Variants in TTLL3 observed in about 807,000 individuals in gnomAD.
TTLL3 encodes the protein tubulin monoglycylase TTLL3.
Under a neutral mutation model 75.2 loss-of-function variants are expected in TTLL3, and 63 were observed. The ratio of observed to expected loss-of-function variants is 0.84; its 90% CI spans 0.68 to 1.03. The LOEUF (loss-of-function observed/expected upper bound fraction) is 1.03, where lower values mean the gene tolerates loss of function less well. TTLL3 is among the 50% of genes least tolerant of loss of function. The pLI, the probability that TTLL3 is intolerant of heterozygous loss-of-function variation, is 0.00. For synonymous variants in TTLL3, 393 were observed against 418.5 expected (o/e 0.94, Z 0.74); for missense variants, 997 against 1,069.9 (o/e 0.93, Z 0.95).
In TTLL3 at chr3:9,817,680, G is replaced by A. The variant is rs199510910; in HGVS notation, c.480G>A (p.Trp160Ter). 4.2e-5 allele frequency: 68 copies of A among 1,614,058 alleles called. No homozygotes were observed. Among genetic ancestry groups the A allele is most frequent in the Non-Finnish European group, 5.5e-5 (65 of 1,180,054 alleles). ...GLCLNLRNLP[W>*]FDEVDANSFF... ...GTCTCAATCTCCGGAATTTGCCGTG[G>A]TTTGATGAGGTTGATGCCAACTCCT... Residue 160 changes from tryptophan to a stop codon, truncating the protein, a stop_gained, in exon 6 of 14, where the codon TGG becomes TGA. Transcript: ENST00000685419. LOFTEE classifies it high-confidence loss of function.
chr3:9,825,201 A>G lies in TTLL3; in HGVS notation c.855-599A>G, dbSNP rs1030349441. ...CCCATCTCTGCAAAAAATAAAAATT[A>G]GCTTGGGTGTGGTGGCGTATGCCTG... On this transcript the variant is annotated intron_variant, in intron 8 of 13. Coordinates refer to ENST00000685419, the MANE Select transcript of TTLL3 (RefSeq NM_001387446.1). Among the ~76,000 whole-genome samples the G allele has an allele frequency of 1.1e-4, 17 of 152,108 alleles. 1 individual carries two copies. Among genetic ancestry groups the G allele is most frequent in the African/African-American group, 3.9e-4 (16 of 41,448 alleles).
At chr3:9,815,044 C>G (rs551222101) in intron 4 of TTLL3, among the ~76,000 whole-genome samples, 17 of 151,868 alleles carry the variant, frequency 1.1e-4, no homozygotes, top group African/African-American at 3.6e-4. Flanking sequence ...TCGAGACCAG[C>G]CTGGGGAACA....
In TTLL3 at chr3:9,810,478, G is replaced by A; in HGVS notation, c.-42+84G>A. The A allele has an allele frequency of 6.9e-7, 1 of 1,446,606 alleles. No individual in the cohort carries two copies. Among genetic ancestry groups the A allele is most frequent in the South Asian group, 1.5e-5 (1 of 68,454 alleles). The allele number at this position is 1,446,606 out of a possible 1,614,324, so 89.6% of individuals were successfully genotyped here. On this transcript the variant is annotated intron_variant, in intron 1 of 13. Transcript: ENST00000685419. The surrounding 1 kb of genome is among the most constrained non-coding windows in gnomAD (Gnocchi z 4.4). ...CTGGGGTGGAGGGACTGGGGGTCGGGAGAAGAGCGGCTGAGGGTGGGCATC... is the reference window on the plus strand; with the variant it reads ...CTGGGGTGGAGGGACTGGGGGTCGGAAGAAGAGCGGCTGAGGGTGGGCATC...
chr3:9,813,928 CCCTTCAAATAAAAACCCCATAG>C (rs2079575667), intron 4 of TTLL3, among the ~76,000 whole-genome samples: 1 of 152,056 alleles, frequency 6.6e-6, no homozygotes, highest in Non-Finnish European at 1.5e-5. Flanking sequence ...TGGTAACTCC[CCCTTCAAATAAAAACCCCATAG>C]TTCCCCTTCC....
chr3:9,828,832 T>C, intron 10 of TTLL3, 128 bp from the exon 11 acceptor site: 11 of 1,203,192 alleles, frequency 9.1e-6, no homozygotes, highest in Non-Finnish European at 1.3e-5. Context: ...TCCTTCCCAG[T>C]AGGGCCCCAT....
chr3:9,834,968 AG>A, intron 13 of TTLL3, 61 bp downstream of exon 13: 1 of 1,612,744 alleles, frequency 6.2e-7, no homozygotes, highest in Non-Finnish European at 8.5e-7. Flanking sequence ...TCAGGGCTGG[AG>A]GGCACAGGCA....
chr3:9,812,007 A>G (rs958637998), intron 2 of TTLL3, among the ~76,000 whole-genome samples: 3 of 152,236 alleles, frequency 2.0e-5, no homozygotes, highest in African/African-American at 7.2e-5. Context: ...ATGGGGCCTC[A>G]GGCACCCTGC....
At position 9,827,075 on chromosome 3, in the gene TTLL3, G is replaced by A. The variant is rs2081112129; in HGVS notation, c.1082G>A (p.Trp361Ter). ...CCCGTGGTGATGAAGGACGGCAAGT[G>A]GGTGGTGCAGAAGTATATTGAGCGG... is the stretch of plus-strand genomic sequence containing the variant. The part of the protein sequence containing the change: ...GNPVVMKDGK[W>*]VVQKYIERPL... Residue 361 changes from tryptophan to a stop codon, truncating the protein, a stop_gained, in exon 10 of 14, where the codon TGG becomes TAG. Coordinates refer to ENST00000685419, the MANE Select transcript of TTLL3 (RefSeq NM_001387446.1). LOFTEE classifies it high-confidence loss of function. 1 of 1,614,226 alleles carries A rather than the reference G, an allele frequency of 6.2e-7. No homozygotes were observed. The highest frequency in any genetic ancestry group is 8.5e-7 in the Non-Finnish European group (1 of 1,180,028).
chr3:9,831,500 G>A (rs780418795), intron 11 of TTLL3, among the ~76,000 whole-genome samples: 6 of 152,172 alleles, frequency 3.9e-5, no homozygotes, highest in Non-Finnish European at 8.8e-5. Flanking sequence ...TTGACTGTGG[G>A]TTACAGTGGT....
At chr3:9,833,408 A>C in intron 12 of TTLL3, 163 bp downstream of exon 12, 1 of 1,156,412 alleles carries the variant, frequency 8.6e-7, no homozygotes, top group South Asian at 1.6e-5. Context: ...GTCTGCCCCA[A>C]TCTCTGGGAG....
rs779129049 is a variant in TTLL3, at chr3:9,813,049, T to G, written c.155T>G (p.Leu52Arg). The part of the protein sequence containing the change: ...KKMVHRSGPT[L>R]LPPQKDLDSS... ...ATGGTCCATCGCTCAGGCCCCACCC[T>G]GCTGCCACCCCAGAAGGATCTGGAT... The change falls in exon 3 of 14, where the codon CTG (leucine) becomes CGG (arginine). Residue 52 changes from leucine to arginine, a missense_variant. Transcript: ENST00000685419. 6.3e-7 allele frequency: 1 copy of G among 1,589,184 alleles called. No individual in the cohort carries two copies. The highest frequency in any genetic ancestry group is 1.8e-5 in the Admixed American group (1 of 56,770).
intron 7 of TTLL3, chr3:9,819,807 T>C: frequency 2.0e-6 from 2 of 985,486 alleles, no homozygotes; most frequent in African/African-American, 3.5e-5. Flanking sequence ...CTCTTGTGTG[T>C]GTCATGCACA....
chr3:9,833,364 G>A, intron 12 of TTLL3, 119 bp downstream of exon 12: 1 of 1,498,938 alleles, frequency 6.7e-7, no homozygotes, highest in Non-Finnish European at 9.0e-7. Flanking sequence ...CCGGAAAGGG[G>A]AAGAAAGGCA....
rs1375425883 is a variant in TTLL3, at chr3:9,810,688, C to T, written c.27C>T (p.Ile9=). Residue 9 remains isoleucine, a synonymous_variant, in exon 2 of 14, where the codon ATC becomes ATT. Coordinates refer to ENST00000685419, the MANE Select transcript of TTLL3 (RefSeq NM_001387446.1). The surrounding 1 kb of genome is among the most constrained non-coding windows in gnomAD (Gnocchi z 4.4). ...TGAACCGGCTCAGAAACGCCAAAAT[C>T]TACGTGGAGAGAGCTGTCAAGGTCA... is the stretch of plus-strand genomic sequence containing the variant. MNRLRNAK[I]YVERAVKQKK... 5.0e-6 allele frequency: 8 copies of T among 1,587,792 alleles called. No homozygotes were observed. Among genetic ancestry groups the T allele is most frequent in the Non-Finnish European group, 6.9e-6 (8 of 1,167,580 alleles).
chr3:9,825,364 T>C, intron 8 of TTLL3: 1 of 140,306 alleles, frequency 7.1e-6, no homozygotes, highest in South Asian at 1.6e-4. Flanking sequence ...AGTCGGGGGG[T>C]AGGGGGTGGG....
chr3:9,828,602 A>T (rs944921563), intron 10 of TTLL3: 14 of 263,504 alleles, frequency 5.3e-5, no homozygotes, highest in Middle Eastern at 1.1e-3. Context: ...AAGGTCTCAC[A>T]ACTAGTGTGG....
rs2080161716 is a variant in TTLL3, at chr3:9,819,016, C to T, written c.658+96C>T. On this transcript the variant is annotated intron_variant, in intron 7 of 13. Transcript: ENST00000685419. ...CCTTCTACCTATCTATTCATCCACGCACCTACTGGTTCATCCACACATCTG... is the reference window on the plus strand; with the variant it reads ...CCTTCTACCTATCTATTCATCCACGTACCTACTGGTTCATCCACACATCTG... 2.7e-6 allele frequency: 4 copies of T among 1,501,380 alleles called. No homozygotes were observed. In the South Asian group the frequency reaches 4.6e-5, roughly 17 times the overall value. 93.0% of individuals were successfully genotyped at this position (1,501,380 alleles called of 1,614,324 possible). A position where few individuals can be genotyped will look rare whatever the true frequency, so the allele number is the denominator to read the frequency against.
chr3:9,815,175 A>G (rs919244837), intron 4 of TTLL3, among the ~76,000 whole-genome samples: 1 of 150,134 alleles, frequency 6.7e-6, no homozygotes, highest in Admixed American at 6.7e-5. Flanking sequence ...CAGGAGACGG[A>G]GCTTGCAGTG....
intron 4 of TTLL3, among the ~76,000 whole-genome samples, chr3:9,814,880 G>T (rs1017321827): frequency 6.6e-6 from 1 of 151,964 alleles, no homozygotes; most frequent in Non-Finnish European, 1.5e-5. Flanking sequence ...GGACATGCAC[G>T]TTGAGGTGAG....
Sources: gnomAD v4.1 joint callset for allele counts (sites outside exome capture counted in the v4.1 genomes callset) on GRCh38, gnomAD v4.1.1 for gene constraint, Gnocchi (gnomAD v3.1) non-coding constraint, MANE v1.5 for transcripts, NCBI Gene and HGNC (gene_info 2026-07-23, HGNC 2026-07-21) for gene names.